The following NUP214 variants were observed in gnomAD, a reference collection of about 807,000 sequenced individuals.
NUP214 encodes nuclear pore complex protein Nup214.
A neutral mutation model predicts 196.2 loss-of-function variants in NUP214; 79 were observed. The ratio of observed to expected loss-of-function variants is 0.40; its 90% confidence interval spans 0.34 to 0.49. The LOEUF is 0.49. Among genes scored for constraint, NUP214 ranks in the 20% least tolerant of loss-of-function variants. The pLI is 0.58. For missense variants in NUP214, 2,468 were observed against 2,539.0 expected (o/e 0.97, Z 0.60); for synonymous variants, 1,020 against 990.5 (o/e 1.03, Z -0.56).
At chr9:131,170,088 G>A (rs914908453) in intron 21 of NUP214, among the ~76,000 whole-genome samples, 1 of 151,984 alleles carries the variant, frequency 6.6e-6, no homozygotes, top group African/African-American at 2.4e-5. Context: ...TGGTAGTCAC[G>A]GTTATACAAC....
intron 19 of NUP214, 59 bp downstream of exon 19, chr9:131,163,232 A>G (rs1051967672): frequency 6.6e-7 from 1 of 1,512,496 alleles, no homozygotes; most frequent in African/African-American, 1.4e-5. Flanking sequence ...ACATTTAGGG[A>G]GTCTTAGAGT....
intron 33 of NUP214, 52 bp downstream of exon 33, chr9:131,228,383 C>G (rs767807522): frequency 1.2e-5 from 19 of 1,529,594 alleles, no homozygotes; most frequent in Non-Finnish European, 1.7e-5. Context: ...CCAAAAAGCA[C>G]TAGGGGCCTG....
At chr9:131,183,264 TG>T (rs1242535977) in intron 24 of NUP214, among the ~76,000 whole-genome samples, 4 of 152,220 alleles carry the variant, frequency 2.6e-5, no homozygotes, top group African/African-American at 9.7e-5. Flanking sequence ...TTTATATTTT[TG>T]GTAGAGACGG....
intron 30 of NUP214, among the ~76,000 whole-genome samples, chr9:131,211,944 G>A (rs567162551): frequency 6.6e-6 from 1 of 152,322 alleles, no homozygotes; most frequent in Non-Finnish European, 1.5e-5. Context: ...GGGCCTGACT[G>A]CCTGAGGGGC....
intron 30 of NUP214, among the ~76,000 whole-genome samples, chr9:131,203,922 AAGTGGGGAGTCTAAAAGAGAC>A (rs1292695383): frequency 1.3e-5 from 2 of 152,156 alleles, no homozygotes; most frequent in Non-Finnish European, 2.9e-5. Context: ...GATATGCACA[AAGTGGGGAGTCTAAAAGAGAC>A]CCTTCAGCTG....
intron 18 of NUP214, among the ~76,000 whole-genome samples, chr9:131,160,636 G>T (rs571765148): frequency 3.3e-5 from 5 of 152,324 alleles, no homozygotes; most frequent in South Asian, 2.1e-4. Flanking sequence ...AACAAACCAA[G>T]AAATGGTCTA....
chr9:131,223,727 A>ATTTATTTATTTATTTATTTATT, intron 32 of NUP214, among the ~76,000 whole-genome samples: 1 of 15,660 alleles, frequency 6.4e-5, no homozygotes, highest in Non-Finnish European at 1.4e-4. Flanking sequence ...TTATTTATTT[A>ATTTATTTATTTATTTATTTATT]TTTTTTTTTT....
In NUP214 at chr9:131,225,716, C is replaced by T. The variant is rs59059891; in HGVS notation, c.5903-2444C>T. ...TATTGAAAGAGGGGACTGGAAGTCC[C>T]GAGCAGAAGGAAGGGCTGCTGTGAA... is the stretch of plus-strand genomic sequence containing the variant. On this transcript the variant is annotated intron_variant, in intron 32 of 35. Coordinates refer to ENST00000359428, the MANE Select transcript of NUP214 (RefSeq NM_005085.4). 7.6e-3 allele frequency among the ~76,000 whole-genome samples: 1,159 copies of T among 152,218 alleles called. 13 individuals are homozygous for T. The highest frequency in any genetic ancestry group is 0.026 in the African/African-American group (1,089 of 41,514).
chr9:131,214,181 T>C (rs979874999), intron 30 of NUP214, among the ~76,000 whole-genome samples: 7 of 152,124 alleles, frequency 4.6e-5, no homozygotes, highest in African/African-American at 1.4e-4. Flanking sequence ...CACTGGAGGT[T>C]TGATGAGTAG....
Position 131,163,057 on chromosome 9 carries a change from C to A in NUP214, c.2607C>A (p.Asn869Lys). 1 of 1,614,208 alleles carries A rather than the reference C, an allele frequency of 6.2e-7. No homozygotes were observed. Among genetic ancestry groups the A allele is most frequent in the Non-Finnish European group, 8.5e-7 (1 of 1,180,032 alleles). The change falls in exon 19 of 36, where the codon AAC becomes AAA. Residue 869 changes from asparagine (N) to lysine (K), a missense_variant. By Grantham distance (94) the Asn-to-Lys change is moderately conservative. Around this residue, in one of 5 missense-constraint regions of NUP214, gnomAD observed 1,801 missense variants for 1,779.4 expected, o/e 1.01. Transcript: ENST00000359428. ...TAGCCAACAATCGGGAAATCATCAACCAACAGAGGAAGAGGCTGAATCACC... is the reference window on the plus strand; with the variant it reads ...TAGCCAACAATCGGGAAATCATCAAACAACAGAGGAAGAGGCTGAATCACC... Reference protein sequence around the residue: ...NTLANNREIINQQRKRLNHLV... With the variant: ...NTLANNREIIKQQRKRLNHLV...
At chr9:131,164,209 G>A (rs117917551) in intron 21 of NUP214, 65 bp downstream of exon 21, 15,140 of 1,420,220 alleles carry the variant, frequency 0.011, 88 homozygotes, top group Non-Finnish European at 0.012. Context: ...GTGTGTGTGC[G>A]CGCGCACATG....
At chr9:131,226,264 T>G (rs1240012986) in intron 32 of NUP214, among the ~76,000 whole-genome samples, 1 of 152,196 alleles carries the variant, frequency 6.6e-6, no homozygotes, top group African/African-American at 2.4e-5. Flanking sequence ...TTAGAAAATT[T>G]GTTTCTTCTG....
At chr9:131,212,040 C>T (rs552841641) in intron 30 of NUP214, among the ~76,000 whole-genome samples, 18 of 152,268 alleles carry the variant, frequency 1.2e-4, no homozygotes, top group African/African-American at 4.1e-4. Context: ...AGGAACAGCC[C>T]TGAGAAAGAG....
At chr9:131,230,178 TC>T (rs1169589907) in intron 33 of NUP214, 1 of 180,866 alleles carries the variant, frequency 5.5e-6, no homozygotes, top group Non-Finnish European at 1.2e-5. Flanking sequence ...AAATACAAAA[TC>T]CTGAATGAAA....
chr9:131,200,261 A>G (rs964957186), intron 29 of NUP214, among the ~76,000 whole-genome samples: 1 of 152,236 alleles, frequency 6.6e-6, no homozygotes, highest in African/African-American at 2.4e-5. Context: ...GTCTAAGCTC[A>G]CCTACCCAAT....
intron 29 of NUP214, 86 bp from the exon 30 acceptor site, chr9:131,201,561 C>T: frequency 1.1e-6 from 1 of 933,960 alleles, no homozygotes; most frequent in South Asian, 1.4e-5. Context: ...GAGACTCTGC[C>T]TCAAAAAAAA....
intron 9 of NUP214, among the ~76,000 whole-genome samples, chr9:131,138,567 C>T (rs1213563637): frequency 1.3e-5 from 2 of 152,178 alleles, no homozygotes; most frequent in African/African-American, 2.4e-5. Flanking sequence ...ATTCATGCTT[C>T]CCAGTCTGGT....
intron 24 of NUP214, among the ~76,000 whole-genome samples, chr9:131,186,464 A>G (rs1055329054): frequency 6.6e-6 from 1 of 152,262 alleles, no homozygotes; most frequent in Admixed American, 6.5e-5. Context: ...GATGGAAAAT[A>G]TGAATCCTCC....
intron 14 of NUP214, among the ~76,000 whole-genome samples, chr9:131,148,333 T>C (rs575282096): frequency 6.6e-6 from 1 of 152,362 alleles, no homozygotes; most frequent in East Asian, 1.9e-4. Context: ...GAATTTATTG[T>C]GTGATTATAT....
Sources: gnomAD v4.1 joint callset for allele counts (sites outside exome capture counted in the v4.1 genomes callset) on GRCh38, gnomAD v4.1.1 for gene constraint, gnomAD v4.1.1 regional missense constraint, MANE v1.5 for transcripts, NCBI Gene and HGNC (gene_info 2026-07-23, HGNC 2026-07-21) for gene names.